SERHL2: variants seen among roughly 807,000 people sequenced by gnomAD.
SERHL2 encodes serine hydrolase like 2.
Under a neutral mutation model 25.5 loss-of-function variants are expected in SERHL2, and 29 were observed. The observed-to-expected ratio is 1.14, with a 90% confidence interval of 0.85 to 1.55. SERHL2 has a LOEUF of 1.55. Ranked by LOEUF, SERHL2 falls within the 40% of genes most tolerant of loss-of-function variation. SERHL2 has a pLI of 0.00. For missense variants in SERHL2, 240 were observed against 252.3 expected (o/e 0.95, Z 0.33); for synonymous variants, 95 against 103.5 (o/e 0.92, Z 0.50).
chr22:42,560,455 GGGTGA>G (rs1814738318), intron 8 of SERHL2, among the ~76,000 whole-genome samples, 190 bp downstream of exon 8: 1 of 151,914 alleles, frequency 6.6e-6, no homozygotes, highest in African/African-American at 2.4e-5. Flanking sequence ...CAAGCAACCC[GGGTGA>G]GGCCATACAG....
intron 1 of SERHL2, 28 bp downstream of exon 1, chr22:42,554,070 TC>T: frequency 6.2e-7 from 1 of 1,611,244 alleles, no homozygotes; most frequent in South Asian, 1.1e-5. Flanking sequence ...TGTGCGAGCG[TC>T]CCACTGCCCA....
At chr22:42,567,400 C>T (rs1923541352) in intron 9 of SERHL2, among the ~76,000 whole-genome samples, 4 of 151,152 alleles carry the variant, frequency 2.6e-5, no homozygotes, top group African/African-American at 9.7e-5. Flanking sequence ...CGCGGTGGCT[C>T]ACGCCTGTAG....
intron 7 of SERHL2, among the ~76,000 whole-genome samples, chr22:42,559,933 T>C (rs532714702): frequency 2.0e-5 from 3 of 151,966 alleles, no homozygotes; most frequent in Non-Finnish European, 2.9e-5. Context: ...TGCCTCAGCT[T>C]CCCAAGTAGC....
At chr22:42,561,503 T>G (rs1922676142) in intron 8 of SERHL2, among the ~76,000 whole-genome samples, 3 of 150,216 alleles carry the variant, frequency 2.0e-5, no homozygotes, top group African/African-American at 4.9e-5. Context: ...GGGGGCGTGT[T>G]GTGGAGTTGA....
At chr22:42,570,885 G>A (rs1924077277) in intron 9 of SERHL2, among the ~76,000 whole-genome samples, 1 of 152,040 alleles carries the variant, frequency 6.6e-6, no homozygotes, top group African/African-American at 2.4e-5. Context: ...GAGTCAGGCT[G>A]GGTAGCCACG....
chr22:42,572,593 A>G, intron 11 of SERHL2, 64 bp downstream of exon 11: 1 of 1,581,346 alleles, frequency 6.3e-7, no homozygotes, highest in Non-Finnish European at 8.6e-7. Flanking sequence ...CACCTCACCC[A>G]TCTCTTCTCA....
rs541526264 is a variant in SERHL2, at chr22:42,560,150, C to G, written c.534-36C>G. 106 of 1,536,248 alleles carry G rather than the reference C, an allele frequency of 6.9e-5. 3 individuals carry two copies. In the South Asian group the frequency reaches 1.2e-3, roughly 17 times the overall value. On this transcript the variant is annotated intron_variant, in intron 7 of 11. Coordinates refer to ENST00000327678, the MANE Select transcript of SERHL2 (RefSeq NM_014509.5). ...TTTTATCTGACCTCCTTTTTATTGG[C>G]CTCCAGGCACCCAGCATCCTTCTGT...
intron 7 of SERHL2, 133 bp from the exon 8 acceptor site, chr22:42,560,053 C>T: frequency 1.5e-6 from 1 of 668,246 alleles, no homozygotes; most frequent in Non-Finnish European, 2.7e-6. Context: ...CTCAGATGAT[C>T]CGCCCATCTT....
Position 42,573,949 on chromosome 22 carries a change from T to C in SERHL2, c.839T>C (p.Val280Ala), listed in dbSNP as rs200563371. The C allele has an allele frequency of 2.2e-5, 36 of 1,609,706 alleles. No homozygotes were observed. The highest frequency in any genetic ancestry group is 2.9e-5 in the Non-Finnish European group (34 of 1,176,898). The change falls in exon 12 of 12, where the codon GTG (valine) becomes GCG (alanine). Residue 280 changes from valine to alanine, a missense_variant. Coordinates refer to ENST00000327678, the MANE Select transcript of SERHL2 (RefSeq NM_014509.5). The part of the protein sequence containing the change: ...KSTLKEQFQF[V>A]EVPGNHCVHM... ...TCCCCTCTCCAGCAGTTCCAGTTTG[T>C]GGAAGTCCCAGGCAATCACTGTGTC...
chr22:42,564,965 C>G (rs1020697758), intron 8 of SERHL2: 1 of 144,196 alleles, frequency 6.9e-6, no homozygotes, highest in African/African-American at 2.7e-5. Context: ...GCTCGGCGCG[C>G]GCGTGTGTGT....
chr22:42,571,307 G>A lies in SERHL2; in HGVS notation c.731+104G>A, dbSNP rs185915983. ...TGAGGCTCCAAGTTCTCTGCGTGTCGACCACATCGCTAAGGCTCAAGATCT... is the reference window on the plus strand; with the variant it reads ...TGAGGCTCCAAGTTCTCTGCGTGTCAACCACATCGCTAAGGCTCAAGATCT... On this transcript the variant is annotated intron_variant, in intron 10 of 11. Coordinates refer to ENST00000327678, the MANE Select transcript of SERHL2 (RefSeq NM_014509.5). 315 of 1,562,914 alleles carry A rather than the reference G, an allele frequency of 2.0e-4. 1 individual carries two copies. The African/African-American group carries it at 3.6e-3, about 18-fold the overall frequency.
intron 8 of SERHL2, among the ~76,000 whole-genome samples, chr22:42,564,527 G>C (rs1182958100): frequency 6.6e-6 from 1 of 151,524 alleles, no homozygotes; most frequent in Non-Finnish European, 1.5e-5. Flanking sequence ...CACCTCCTGG[G>C]TTCAAGTAAT....
At chr22:42,570,254 G>C (rs11090110) in intron 9 of SERHL2, among the ~76,000 whole-genome samples, 2 of 151,978 alleles carry the variant, frequency 1.3e-5, no homozygotes, top group South Asian at 4.2e-4. Context: ...AAACCCTGTC[G>C]CTACTAAAAA....
intron 8 of SERHL2, 117 bp from the exon 9 acceptor site, chr22:42,566,187 A>C: frequency 2.1e-6 from 2 of 973,710 alleles, no homozygotes; most frequent in Admixed American, 1.9e-5. Context: ...CGTCGGGGGC[A>C]GGTGGGAGAA....
chr22:42,561,737 C>A (rs1922707626), intron 8 of SERHL2, among the ~76,000 whole-genome samples: 1 of 151,810 alleles, frequency 6.6e-6, no homozygotes, highest in African/African-American at 2.4e-5. Flanking sequence ...AGGAGCGGCA[C>A]CTGTGGGCTG....
chr22:42,559,935 C>A (rs1477883458), intron 7 of SERHL2, among the ~76,000 whole-genome samples: 2 of 151,916 alleles, frequency 1.3e-5, no homozygotes, highest in African/African-American at 4.8e-5. Context: ...CCTCAGCTTC[C>A]CAAGTAGCTG....
chr22:42,572,250 G>A (rs527931897), intron 10 of SERHL2, among the ~76,000 whole-genome samples, 186 bp from the exon 11 acceptor site: 1 of 152,198 alleles, frequency 6.6e-6, no homozygotes, highest in Non-Finnish European at 1.5e-5. Flanking sequence ...GCTTGTGCCA[G>A]CTGAGCATGA....
chr22:42,554,065 G>T lies in SERHL2; in HGVS notation c.22+23G>T, dbSNP rs369327833. 3 of 1,611,938 alleles carry T rather than the reference G, an allele frequency of 1.9e-6. No homozygotes were observed. The East Asian group carries it at 6.7e-5, about 36-fold the overall frequency. On this transcript the variant is annotated intron_variant, in intron 1 of 11. Coordinates refer to ENST00000327678, the MANE Select transcript of SERHL2 (RefSeq NM_014509.5). ...CAGGTCTGACGGGGAGGCCTTGTGC[G>T]AGCGTCCCACTGCCCACCCACCTGG...
intron 1 of SERHL2, 22 bp downstream of exon 1, chr22:42,554,064 C>T: frequency 1.2e-6 from 2 of 1,612,040 alleles, no homozygotes. Flanking sequence ...AGGCCTTGTG[C>T]GAGCGTCCCA....
Sources: gnomAD v4.1 joint callset for allele counts (sites outside exome capture counted in the v4.1 genomes callset) on GRCh38, gnomAD v4.1.1 for gene constraint, MANE v1.5 for transcripts, NCBI Gene and HGNC (gene_info 2026-07-23, HGNC 2026-07-21) for gene names.